UBA2: variants seen among roughly 807,000 people sequenced by gnomAD.
UBA2 encodes SUMO-activating enzyme subunit 2.
Under a neutral mutation model 77.2 loss-of-function variants are expected in UBA2, and 11 were observed. The ratio of observed to expected loss-of-function variants is 0.14; its 90% CI spans 0.09 to 0.24. The LOEUF (loss-of-function observed/expected upper bound fraction) is 0.24, where lower values mean the gene tolerates loss of function less well. UBA2 is among the 10% of genes least tolerant of loss of function. UBA2 has a pLI of 1.00. For synonymous variants in UBA2, 278 were observed against 276.7 expected (o/e 1.00, Z -0.05); for missense variants, 487 against 781.7 (o/e 0.62, Z 4.50).
At chr19:34,459,476 T>A (rs891728345) in intron 13 of UBA2, among the ~76,000 whole-genome samples, 2 of 152,184 alleles carry the variant, frequency 1.3e-5, no homozygotes, top group African/African-American at 2.4e-5. Context: ...TGGTACACAC[T>A]TATCTAATAT....
intron 6 of UBA2, among the ~76,000 whole-genome samples, chr19:34,440,051 C>T (rs371341626): frequency 3.0e-4 from 45 of 151,680 alleles, no homozygotes; most frequent in South Asian, 4.2e-4. Context: ...GTGCCCAGTG[C>T]GGTGGCTCAG....
intron 8 of UBA2, among the ~76,000 whole-genome samples, chr19:34,449,801 C>T (rs1484195240): frequency 6.6e-6 from 1 of 152,152 alleles, no homozygotes; most frequent in East Asian, 1.9e-4. Flanking sequence ...TGTTGTGAAG[C>T]ACTTTAGTTT....
rs531863681 is a variant in UBA2 at position 34,466,003 on chromosome 19, T to C, written c.1605-875T>C. ...TAAAGATGGGGGGACCCAGAAATCA[T>C]GTAGTTCTGCCCATAAGACACCACA... On this transcript the variant is annotated intron_variant, in intron 15 of 16. Coordinates refer to ENST00000246548, the MANE Select transcript of UBA2 (RefSeq NM_005499.3). Among the ~76,000 whole-genome samples the C allele has an allele frequency of 2.6e-5, 4 of 152,220 alleles. No homozygotes were observed. In the East Asian group the frequency reaches 7.7e-4, roughly 29 times the overall value.
At chr19:34,464,512 C>T (rs989703557) in intron 15 of UBA2, among the ~76,000 whole-genome samples, 45 of 150,546 alleles carry the variant, frequency 3.0e-4, no homozygotes, top group Admixed American at 8.0e-4. Flanking sequence ...CAGCCGGGAT[C>T]GCGCCATTGC....
chr19:34,450,394 C>T (rs2075479689), intron 9 of UBA2, 30 bp downstream of exon 9: 1 of 1,485,446 alleles, frequency 6.7e-7, no homozygotes, highest in Non-Finnish European at 9.2e-7. Flanking sequence ...CTTGGAACAC[C>T]TAAGCTGGAA....
chr19:34,442,336 T>C (rs1407216693), intron 6 of UBA2, among the ~76,000 whole-genome samples: 1 of 152,216 alleles, frequency 6.6e-6, no homozygotes, highest in African/African-American at 2.4e-5. Context: ...TCATAAGACT[T>C]ACTTGGAAAA....
At chr19:34,443,185 T>C (rs867210668) in intron 6 of UBA2, among the ~76,000 whole-genome samples, 1 of 152,228 alleles carries the variant, frequency 6.6e-6, no homozygotes, top group Non-Finnish European at 1.5e-5. Flanking sequence ...TAATAATGTT[T>C]GTTGAACAGG....
intron 4 of UBA2, 50 bp from the exon 5 acceptor site, chr19:34,434,818 T>C: frequency 7.2e-7 from 1 of 1,396,824 alleles, no homozygotes; most frequent in Non-Finnish European, 9.9e-7. Flanking sequence ...TAATTAAAGA[T>C]AACTAATTTT....
In UBA2 at chr19:34,458,832, C is replaced by G. The variant is rs766421264; in HGVS notation, c.1309C>G (p.Pro437Ala). Reference protein sequence around the residue: ...KLLVPCALDPPNPNCYVCASK... With the variant: ...KLLVPCALDPANPNCYVCASK... ...TCTTGTGCCTTGTGCACTGGATCCTCCCAACCCCAATTGTTATGTATGTGC... is the reference window on the plus strand; with the variant it reads ...TCTTGTGCCTTGTGCACTGGATCCTGCCAACCCCAATTGTTATGTATGTGC... The change falls in exon 13 of 17, where the codon CCC becomes GCC. Residue 437 changes from proline (P) to alanine (A), a missense_variant. By Grantham distance (27) the Pro-to-Ala change is conservative. Around this residue, in one of 9 missense-constraint regions of UBA2, gnomAD observed 300 missense variants for 454.3 expected, o/e 0.66. Transcript: ENST00000246548. 6.2e-5 allele frequency: 100 copies of G among 1,614,010 alleles called. No individual in the cohort carries two copies. The highest frequency in any genetic ancestry group is 1.7e-6 in the Non-Finnish European group (2 of 1,180,036).
intron 12 of UBA2, among the ~76,000 whole-genome samples, chr19:34,457,214 A>ATATATATATATATATATATATATATAT (rs2075578002): frequency 7.4e-6 from 1 of 134,548 alleles, no homozygotes; most frequent in Non-Finnish European, 1.6e-5. Flanking sequence ...ATATATATAT[A>ATATATATATATATATATATATATATAT]AAATTAGCTG....
intron 8 of UBA2, among the ~76,000 whole-genome samples, chr19:34,449,018 G>T (rs1335074182): frequency 1.3e-5 from 2 of 150,066 alleles, no homozygotes; most frequent in African/African-American, 4.9e-5. Context: ...TTCACATGTT[G>T]CTGTCATAAG....
At chr19:34,433,447 T>G in intron 4 of UBA2, 35 bp downstream of exon 4, 1 of 1,341,734 alleles carries the variant, frequency 7.5e-7, no homozygotes, top group Non-Finnish European at 1.1e-6. Context: ...TTTCTCAGTA[T>G]TTCCTCTCTC....
At chr19:34,428,921 C>T (rs1313240719) in intron 1 of UBA2, 6 of 997,660 alleles carry the variant, frequency 6.0e-6, no homozygotes, top group Non-Finnish European at 7.2e-6. Context: ...GGATTGAGTC[C>T]CTCGCGGATG....
In UBA2 at chr19:34,457,291, T is replaced by G. The variant is rs1036406255; in HGVS notation, c.1246-1478T>G. Among the ~76,000 whole-genome samples the G allele has an allele frequency of 3.4e-5, 5 of 148,130 alleles. No homozygotes were observed. In the East Asian group the frequency reaches 1.0e-3, roughly 30 times the overall value. On this transcript the variant is annotated intron_variant, in intron 12 of 16. Coordinates refer to ENST00000246548, the MANE Select transcript of UBA2 (RefSeq NM_005499.3). ...CTGAGGCAGGAGAATCACTTGAACC[T>G]GGGAGGCGGAAGTTGCATTAAGCCG...
At chr19:34,443,515 C>T (rs1178661592) in intron 6 of UBA2, among the ~76,000 whole-genome samples, 1 of 149,772 alleles carries the variant, frequency 6.7e-6, no homozygotes, top group East Asian at 2.0e-4. Flanking sequence ...AGTCTCGGCT[C>T]ACTGCAACCT....
In UBA2 at chr19:34,468,980, T is replaced by C. The variant is rs1443203547; in HGVS notation, c.1742-60T>C. The C allele has an allele frequency of 2.1e-6, 3 of 1,422,500 alleles. No homozygotes were observed. In the African/African-American group the frequency reaches 4.3e-5, roughly 20 times the overall value. 88.1% of individuals were successfully genotyped at this position (1,422,500 alleles called of 1,614,324 possible). On this transcript the variant is annotated intron_variant, in intron 16 of 16. Coordinates refer to ENST00000246548, the MANE Select transcript of UBA2 (RefSeq NM_005499.3). ...AGCTTTCAATTATAGAAAATACAGG[T>C]GAGCACAGGTAACTCCCACGCTTTT...
At chr19:34,436,999 A>G (rs1031093550) in intron 5 of UBA2, among the ~76,000 whole-genome samples, 4 of 152,168 alleles carry the variant, frequency 2.6e-5, no homozygotes, top group African/African-American at 7.2e-5. Flanking sequence ...CCATGTGGCT[A>G]CCCTCAAGAA....
intron 10 of UBA2, among the ~76,000 whole-genome samples, chr19:34,452,566 CAG>C (rs1351959857): frequency 6.6e-6 from 1 of 152,126 alleles, no homozygotes. Flanking sequence ...GTCTGAAAGA[CAG>C]AGCTCTTGAT....
intron 14 of UBA2, 143 bp downstream of exon 14, chr19:34,460,709 CAT>C (rs1234951759): frequency 3.5e-6 from 2 of 577,308 alleles, no homozygotes; most frequent in Non-Finnish European, 5.8e-6. Flanking sequence ...TTCAAGGTGA[CAT>C]TGCTGGGGGT....
Sources: gnomAD v4.1 joint callset for allele counts (sites outside exome capture counted in the v4.1 genomes callset) on GRCh38, gnomAD v4.1.1 for gene constraint, gnomAD v4.1.1 regional missense constraint, MANE v1.5 for transcripts, NCBI Gene and HGNC (gene_info 2026-07-23, HGNC 2026-07-21) for gene names.